The following CCDC30 variants were observed in gnomAD, a reference collection of about 807,000 sequenced individuals.
The protein encoded by CCDC30 is coiled-coil domain-containing protein 30.
CCDC30 carries 70 observed loss-of-function variants against 100.2 expected under a neutral mutation model. That is an observed-to-expected ratio of 0.70 (90% CI 0.58 to 0.85). The LOEUF (loss-of-function observed/expected upper bound fraction) is 0.85, where lower values mean the gene tolerates loss of function less well. Ranked by LOEUF, CCDC30 falls within the 40% of genes least tolerant of loss-of-function variation. CCDC30 has a pLI of 0.00. For synonymous variants in CCDC30, 233 were observed against 269.5 expected (o/e 0.86, Z 1.33); for missense variants, 652 against 771.2 (o/e 0.85, Z 1.83).
intron 8 of CCDC30, chr1:42,581,013 A>G: frequency 2.8e-6 from 1 of 360,032 alleles, no homozygotes; most frequent in South Asian, 2.2e-5. Context: ...TAATTTTTGT[A>G]TTTTTTTGTA....
chr1:42,641,797 GT>G, intron 12 of CCDC30, among the ~76,000 whole-genome samples: 1 of 152,216 alleles, frequency 6.6e-6, no homozygotes, highest in East Asian at 1.9e-4. Context: ...AGAGGTTGTA[GT>G]GAGCCGAGAT....
chr1:42,611,526 A>G (rs1342160520), intron 11 of CCDC30, among the ~76,000 whole-genome samples: 2 of 151,336 alleles, frequency 1.3e-5, no homozygotes, highest in African/African-American at 4.9e-5. Context: ...CCTATTACAT[A>G]TATGGTACTT....
At chr1:42,495,377 G>T (rs1048272009) in intron 4 of CCDC30, among the ~76,000 whole-genome samples, 1 of 151,806 alleles carries the variant, frequency 6.6e-6, no homozygotes, top group African/African-American at 2.4e-5. Context: ...GAGAGGGGAG[G>T]GATAGCATTG....
intron 2 of CCDC30, 109 bp from the exon 3 acceptor site, chr1:42,482,554 T>C: frequency 1.8e-6 from 1 of 561,608 alleles, no homozygotes; most frequent in South Asian, 9.8e-5. Context: ...GAAATACACA[T>C]AGATATTGTT....
chr1:42,572,410 G>A (rs188209024), intron 7 of CCDC30, among the ~76,000 whole-genome samples: 2 of 151,948 alleles, frequency 1.3e-5, no homozygotes, highest in Non-Finnish European at 2.9e-5. Context: ...TTAAATACAT[G>A]AACCCTTTAT....
At chr1:42,612,281 C>T (rs1350086232) in intron 11 of CCDC30, among the ~76,000 whole-genome samples, 1 of 152,164 alleles carries the variant, frequency 6.6e-6, no homozygotes, top group Non-Finnish European at 1.5e-5. Context: ...CATACAATTA[C>T]AGTGCTAACA....
chr1:42,638,221 G>A (rs915731076), intron 12 of CCDC30, among the ~76,000 whole-genome samples: 1 of 152,156 alleles, frequency 6.6e-6, no homozygotes, highest in South Asian at 2.1e-4. Flanking sequence ...GGGTGCAGTG[G>A]TTCATGCCTG....
At chr1:42,487,214 A>G (rs957527010) in intron 3 of CCDC30, among the ~76,000 whole-genome samples, 4 of 151,888 alleles carry the variant, frequency 2.6e-5, no homozygotes, top group Non-Finnish European at 4.4e-5. Flanking sequence ...TAATAGGGTG[A>G]TGGAAATGTT....
Position 42,489,015 on chromosome 1 carries a change from C to T in CCDC30, c.170-1143C>T, listed in dbSNP as rs532619843. Among the ~76,000 whole-genome samples, 88 of 135,928 alleles carry T rather than the reference C, an allele frequency of 6.5e-4. No individual in the cohort carries two copies. In the South Asian group the frequency reaches 0.011, roughly 17 times the overall value. 89.2% of individuals were successfully genotyped at this position (135,928 alleles called of 152,430 possible). On this transcript the variant is annotated intron_variant, in intron 3 of 16. Transcript: ENST00000668663. ...TCAGTGTTCCCTCCTATGTCGTCTC[C>T]TTTGTTCTGTCCTACCTCCTATATT...
rs777756048 is a variant in CCDC30 at position 42,539,329 on chromosome 1, T to A, written c.457-26967T>A. On this transcript the variant is annotated intron_variant, in intron 6 of 16. Transcript: ENST00000668663. Reference sequence around the variant, plus strand: ...AACAAAGGTGAGACTGAGTTAGGTATTTAAATGTTCAATATTTAATGTAGC... The same window carrying A: ...AACAAAGGTGAGACTGAGTTAGGTAATTAAATGTTCAATATTTAATGTAGC... 25 of 1,579,976 alleles carry A rather than the reference T, an allele frequency of 1.6e-5. No homozygotes were observed. In the South Asian group the frequency reaches 3.0e-4, roughly 19 times the overall value.
intron 6 of CCDC30, among the ~76,000 whole-genome samples, chr1:42,507,840 A>G (rs1222199580): frequency 2.0e-5 from 3 of 152,198 alleles, no homozygotes; most frequent in Non-Finnish European, 2.9e-5. Flanking sequence ...TTTGACTTAC[A>G]TGATTTAGAT....
chr1:42,456,863 A>G, the CCDC30 span: 5 of 1,613,276 alleles, frequency 3.1e-6, no homozygotes, highest in Non-Finnish European at 4.2e-6. Context: ...CCCACCCCAG[A>G]CTTGGCTGTC....
intron 1 of CCDC30, among the ~76,000 whole-genome samples, chr1:42,476,883 G>GTT (rs755925608): frequency 0.013 from 1,700 of 126,456 alleles, 26 homozygotes; most frequent in African/African-American, 0.047. Flanking sequence ...GTTGATGGAA[G>GTT]TTTTTTTTTT....
rs778558656 is a variant in CCDC30 at position 42,644,824 on chromosome 1, C to G, written c.1671+17C>G. 6.7e-7 allele frequency: 1 copy of G among 1,487,258 alleles called. No homozygotes were observed. Among genetic ancestry groups the G allele is most frequent in the Non-Finnish European group, 9.4e-7 (1 of 1,064,518 alleles). 92.1% of individuals were successfully genotyped at this position (1,487,258 alleles called of 1,614,324 possible). A position where few individuals can be genotyped will look rare whatever the true frequency, so the allele number is the denominator to read the frequency against. On this transcript the variant is annotated intron_variant, in intron 14 of 16. Coordinates refer to ENST00000668663, the Ensembl canonical transcript of CCDC30. ...AGAGGAGAGGTAAGATGTGTGCTTC[C>G]TATTGGGCCTGCCTTTAATGTGAAG...
chr1:42,620,078 A>G (rs1436541820), intron 11 of CCDC30, among the ~76,000 whole-genome samples: 3 of 152,170 alleles, frequency 2.0e-5, no homozygotes, highest in Non-Finnish European at 4.4e-5. Flanking sequence ...CTGTTTGCCT[A>G]CTTTTGTTAG....
chr1:42,546,910 A>G (rs968859715), intron 6 of CCDC30, among the ~76,000 whole-genome samples: 1 of 152,228 alleles, frequency 6.6e-6, no homozygotes, highest in East Asian at 1.9e-4. Flanking sequence ...GGAAACAATG[A>G]TGTCAATTTT....
At chr1:42,584,622 C>T (rs933424249) in intron 9 of CCDC30, among the ~76,000 whole-genome samples, 12 of 152,070 alleles carry the variant, frequency 7.9e-5, no homozygotes, top group East Asian at 1.9e-4. Flanking sequence ...AAGAAAGTTT[C>T]GCTGTTATTA....
intron 14 of CCDC30, 48 bp downstream of exon 18, chr1:42,644,855 G>T (rs1356227345): frequency 8.4e-7 from 1 of 1,194,438 alleles, no homozygotes; most frequent in Non-Finnish European, 1.3e-6. Context: ...TGAAGTTCGG[G>T]TTGCTACGGC....
chr1:42,566,217 G>C, intron 6 of CCDC30, 79 bp from the exon 11 acceptor site: 2 of 1,086,444 alleles, frequency 1.8e-6, no homozygotes, highest in Non-Finnish European at 2.7e-6. Flanking sequence ...TGACAATTCC[G>C]GTTCTGACAA....
Sources: allele counts gnomAD v4.1 joint callset (sites outside exome capture counted in the v4.1 genomes callset), GRCh38; gene constraint gnomAD v4.1.1; transcripts MANE v1.5; gene names NCBI Gene and HGNC (gene_info 2026-07-23, HGNC 2026-07-21).